DOCK5: variants seen among roughly 807,000 people sequenced by gnomAD.
DOCK5 encodes the protein dedicator of cytokinesis 5.
Under a neutral mutation model 251.8 loss-of-function variants are expected in DOCK5, and 142 were observed. The ratio of observed to expected loss-of-function variants is 0.56; its 90% CI spans 0.49 to 0.65. The LOEUF (loss-of-function observed/expected upper bound fraction) is 0.65. DOCK5 is among the 30% of genes least tolerant of loss of function. The probability of loss-of-function intolerance (pLI) is 0.00; values close to 1 mark genes in which losing one functional copy is unlikely to be tolerated. For missense variants in DOCK5, 2,111 were observed against 2,312.3 expected (o/e 0.91, Z 1.79); for synonymous variants, 842 against 835.5 (o/e 1.01, Z -0.13).
chr8:25,369,502 T>C, intron 33 of DOCK5, 54 bp from the exon 34 acceptor site: 1 of 1,520,922 alleles, frequency 6.6e-7, no homozygotes, highest in Admixed American at 2.0e-5. Flanking sequence ...AAGTTGGCCA[T>C]GTCTTCTTCT....
rs1304165554 is a variant in DOCK5 at position 25,345,486 on chromosome 8, G to A, written c.2629G>A (p.Val877Met). The A allele has an allele frequency of 6.2e-7, 1 of 1,613,608 alleles. No homozygotes were observed. Among genetic ancestry groups the A allele is most frequent in the Non-Finnish European group, 8.5e-7 (1 of 1,179,852 alleles). Reference sequence around the variant, plus strand: ...GTTTTCCTTCTCAGAGTGCAGAGAAGTGCTGCTGCCACTGCTGACAGACCA... The same window carrying A: ...GTTTTCCTTCTCAGAGTGCAGAGAAATGCTGCTGCCACTGCTGACAGACCA... ...TLFRQSECRE[V>M]LLPLLTDQLS... The change falls in exon 26 of 52, where the codon GTG (valine) becomes ATG (methionine). Residue 877 changes from valine (V) to methionine (M), a missense_variant. Physicochemically the swap from Val to Met is conservative, Grantham distance 21. Coordinates refer to ENST00000276440, the MANE Select transcript of DOCK5 (RefSeq NM_024940.8).
intron 45 of DOCK5, among the ~76,000 whole-genome samples, chr8:25,398,063 C>T (rs1260731036): frequency 6.6e-6 from 1 of 152,058 alleles, no homozygotes; most frequent in East Asian, 1.9e-4. Context: ...TTATTCATCG[C>T]CAAAATGATA....
At chr8:25,268,068 G>C (rs1295265745) in intron 2 of DOCK5, among the ~76,000 whole-genome samples, 1 of 151,936 alleles carries the variant, frequency 6.6e-6, no homozygotes, top group Non-Finnish European at 1.5e-5. Context: ...TCACTATGTT[G>C]GCCAGGCTGG....
In DOCK5 at chr8:25,390,231, A is replaced by G. The variant is rs944379497; in HGVS notation, c.4299A>G (p.Pro1433=). The change falls in exon 42 of 52, where the codon CCA becomes CCG. Residue 1433 remains proline (P), a synonymous_variant. Transcript: ENST00000276440. ...KQYMQCFTVK[P]VMSLPPSYKD... is the part of the protein sequence containing the mutation. The stretch of plus-strand genomic sequence containing the variant: ...ACATGCAGTGCTTCACTGTAAAGCC[A>G]GTGATGAGCTTGCCGCCCAGCTACA... 2 of 1,595,734 alleles carry G rather than the reference A, an allele frequency of 1.3e-6. No homozygotes were observed. The highest frequency in any genetic ancestry group is 1.7e-6 in the Non-Finnish European group (2 of 1,170,730).
chr8:25,260,088 G>T (rs1051169888), intron 2 of DOCK5, among the ~76,000 whole-genome samples: 8 of 131,226 alleles, frequency 6.1e-5, no homozygotes, highest in African/African-American at 2.0e-4. Context: ...CCAGCCCTTT[G>T]TCTGTCCTGT....
intron 1 of DOCK5, among the ~76,000 whole-genome samples, chr8:25,226,533 G>C (rs181056623): frequency 1.3e-5 from 2 of 151,574 alleles, no homozygotes; most frequent in Non-Finnish European, 2.9e-5. Context: ...GATTACAGGC[G>C]CAAGCCACCA....
At chr8:25,240,306 A>T (rs918279367) in intron 1 of DOCK5, among the ~76,000 whole-genome samples, 2 of 151,996 alleles carry the variant, frequency 1.3e-5, no homozygotes, top group African/African-American at 4.8e-5. Flanking sequence ...GCTTCCGTCA[A>T]GTGTAATTTA....
intron 3 of DOCK5, among the ~76,000 whole-genome samples, chr8:25,273,659 CCTT>C (rs895357009): frequency 3.9e-5 from 6 of 152,190 alleles, no homozygotes; most frequent in African/African-American, 1.4e-4. Flanking sequence ...AGACTTATCT[CCTT>C]CTTTTTCACT....
chr8:25,227,086 C>T lies in DOCK5; in HGVS notation c.44-16588C>T, dbSNP rs1024809278. 4.6e-5 allele frequency among the ~76,000 whole-genome samples: 7 copies of T among 152,292 alleles called. No homozygotes were observed. In the East Asian group the frequency reaches 1.4e-3, roughly 29 times the overall value. ...GCAATAAACAGCCTTATTCATATTA[C>T]CATTTTATTGTGGTTGTTCTGACTT... On this transcript the variant is annotated intron_variant, in intron 1 of 51. Transcript: ENST00000276440.
chr8:25,250,932 A>G (rs1225201360), intron 2 of DOCK5, among the ~76,000 whole-genome samples: 1 of 152,114 alleles, frequency 6.6e-6, no homozygotes, highest in African/African-American at 2.4e-5. Context: ...ATTTCATCTA[A>G]ATTGGAGTCA....
chr8:25,273,066 C>CAT (rs140826061), intron 3 of DOCK5, among the ~76,000 whole-genome samples: 1 of 151,590 alleles, frequency 6.6e-6, no homozygotes, highest in African/African-American at 2.4e-5. Flanking sequence ...AATCATTTGC[C>CAT]GTGGCGCAGT....
At chr8:25,380,924 T>TTCCGAATGCCCAGTGGAGGCAGCACCAC (rs1563223502) in intron 39 of DOCK5, among the ~76,000 whole-genome samples, 60 of 149,678 alleles carry the variant, frequency 4.0e-4, no homozygotes, top group African/African-American at 1.3e-3. Context: ...GGCAGCACCA[T>TTCCGAATGCCCAGTGGAGGCAGCACCAC]TCCAAATGCC....
At chr8:25,389,836 A>T (rs1396555629) in intron 41 of DOCK5, among the ~76,000 whole-genome samples, 1 of 152,202 alleles carries the variant, frequency 6.6e-6, no homozygotes, top group Non-Finnish European at 1.5e-5. Context: ...AGATAAAAGT[A>T]ATTCTTGTTG....
rs1471446910 is a variant in DOCK5, at chr8:25,198,030, A to G, written c.43+13079A>G. On this transcript the variant is annotated intron_variant, in intron 1 of 51. Transcript: ENST00000276440. ...CTCCCAAAGTGCTGGGATTACAGGC[A>G]TGAGGCACTGTGCCGGTGTCTTTGT... 3.3e-5 allele frequency among the ~76,000 whole-genome samples: 5 copies of G among 152,298 alleles called. No homozygotes were observed. The South Asian group carries it at 8.3e-4, about 25-fold the overall frequency.
chr8:25,270,817 C>T, intron 3 of DOCK5: 1 of 713,212 alleles, frequency 1.4e-6, no homozygotes, highest in Non-Finnish European at 2.6e-6. Context: ...CCCCACAATA[C>T]CGAAATCCAT....
intron 18 of DOCK5, among the ~76,000 whole-genome samples, chr8:25,331,292 G>A (rs1455646648): frequency 6.6e-6 from 1 of 151,114 alleles, no homozygotes; most frequent in African/African-American, 2.4e-5. Flanking sequence ...TTTCTTAATA[G>A]AGACAGGGTC....
chr8:25,351,706 G>A, intron 26 of DOCK5, 25 bp from the exon 27 acceptor site: 6 of 1,587,718 alleles, frequency 3.8e-6, no homozygotes, highest in Non-Finnish European at 4.3e-6. Context: ...AGAAGGAATG[G>A]AGTCAAATCC....
At chr8:25,287,126 T>A (rs1488958384) in intron 5 of DOCK5, among the ~76,000 whole-genome samples, 2 of 152,220 alleles carry the variant, frequency 1.3e-5, no homozygotes, top group Non-Finnish European at 2.9e-5. Flanking sequence ...CTATTTTTTC[T>A]TGTGACTTTG....
intron 37 of DOCK5, 122 bp from the exon 38 acceptor site, chr8:25,377,183 T>G (rs1252717245): frequency 7.5e-7 from 1 of 1,337,848 alleles, no homozygotes; most frequent in East Asian, 2.6e-5. Flanking sequence ...ATGTAACTTT[T>G]GTGTTTAATA....
Sources: gnomAD v4.1 joint callset for allele counts (sites outside exome capture counted in the v4.1 genomes callset) on GRCh38, gnomAD v4.1.1 for gene constraint, MANE v1.5 for transcripts, NCBI Gene and HGNC (gene_info 2026-07-23, HGNC 2026-07-21) for gene names.